The following RAB43 variants were observed in gnomAD, a reference collection of about 807,000 sequenced individuals.
The protein encoded by RAB43 is ras-related protein Rab-43.
A neutral mutation model predicts 18.8 loss-of-function variants in RAB43; 6 were observed. The ratio of observed to expected loss-of-function variants is 0.32; its 90% CI spans 0.17 to 0.63. RAB43 has a LOEUF of 0.63. Ranked by LOEUF, RAB43 falls within the 30% of genes least tolerant of loss-of-function variation. RAB43 has a pLI of 0.79. For missense variants in RAB43, 195 were observed against 289.1 expected, an observed-to-expected ratio of 0.67 and a Z score of 2.36; for synonymous variants, 103 against 124.1, an observed-to-expected ratio of 0.83 and a Z score of 1.13.
At chr3:129,091,829 GC>G (rs1459709185) in intron 2 of RAB43, among the ~76,000 whole-genome samples, 1 of 151,968 alleles carries the variant, frequency 6.6e-6, no homozygotes, top group Non-Finnish European at 1.5e-5. Context: ...ATTTGGGAAG[GC>G]CGAGGTGGGT....
rs1321241567 is a variant in RAB43, at chr3:129,121,733, C to T, written c.-244G>A. On this transcript the variant is annotated 5_prime_UTR_variant, in exon 1 of 3. Transcript: ENST00000315150. ...GACCCGGTGCCCCGCGGGTTCGGCT[C>T]CCCCCCGGACCCGCCAAGCCGGGCC... 3.8e-6 allele frequency: 1 copy of T among 261,892 alleles called. No homozygotes were observed. Among genetic ancestry groups the T allele is most frequent in the East Asian group, 7.1e-5 (1 of 14,040 alleles). 16.2% of individuals were successfully genotyped at this position (261,892 alleles called of 1,614,324 possible).
rs1933541140 is a variant in RAB43 at position 129,089,979 on chromosome 3, CTT to C, written c.*1115_*1116del. 6.7e-6 allele frequency: 1 copy of C among 150,316 alleles called. No homozygotes were observed. The highest frequency in any genetic ancestry group is 2.5e-5 in the African/African-American group (1 of 40,660). The allele number at this position is 150,316 out of a possible 1,614,324, so 9.3% of individuals were successfully genotyped here. ...GGCCCCTCCAGCCCTAGCCCTGGCTCTTTTGTCACTGTGATACCTCTGAGCCA... is the reference window on the plus strand; with the variant it reads ...GGCCCCTCCAGCCCTAGCCCTGGCTCTTGTCACTGTGATACCTCTGAGCCA... On this transcript the variant is annotated 3_prime_UTR_variant, in exon 3 of 3. Transcript: ENST00000315150.
At chr3:129,098,133 G>A (rs1934175771) in intron 1 of RAB43, among the ~76,000 whole-genome samples, 1 of 152,192 alleles carries the variant, frequency 6.6e-6, no homozygotes. Flanking sequence ...GCTAGGGGAT[G>A]CTGAAGTTCC....
intron 1 of RAB43, among the ~76,000 whole-genome samples, chr3:129,120,403 G>A (rs1181918725): frequency 2.0e-5 from 3 of 152,162 alleles, no homozygotes; most frequent in Non-Finnish European, 4.4e-5. Context: ...GAAGATCATG[G>A]GGGCTCGAAA....
intron 1 of RAB43, among the ~76,000 whole-genome samples, chr3:129,102,457 C>G (rs781168726): frequency 6.6e-6 from 1 of 151,806 alleles, no homozygotes; most frequent in African/African-American, 2.4e-5. Flanking sequence ...GGTGAAACCC[C>G]GTCTCTACTA....
chr3:129,094,406 C>T (rs777897651), intron 2 of RAB43, among the ~76,000 whole-genome samples: 17 of 151,242 alleles, frequency 1.1e-4, no homozygotes, highest in South Asian at 2.1e-4. Flanking sequence ...GAGGAGAAGC[C>T]GGGGTACAAG....
chr3:129,111,236 T>A (rs900871632), intron 1 of RAB43, among the ~76,000 whole-genome samples: 1 of 152,046 alleles, frequency 6.6e-6, no homozygotes, highest in Non-Finnish European at 1.5e-5. Flanking sequence ...AGTCCATGGC[T>A]GGGCGCAGTG....
In RAB43 at chr3:129,095,143, C is replaced by T. The variant is rs758021879; in HGVS notation, c.231G>A (p.Gln77=). 15 of 1,613,236 alleles carry T rather than the reference C, an allele frequency of 9.3e-6. No individual in the cohort carries two copies. Among genetic ancestry groups the T allele is most frequent in the East Asian group, 6.7e-5 (3 of 44,872 alleles). ...TCTGGGTGATGGTGCGGAACCGCTCCTGGCCGGCCGTGTCCCAGATCTGCA... is the reference window on the plus strand; with the variant it reads ...TCTGGGTGATGGTGCGGAACCGCTCTTGGCCGGCCGTGTCCCAGATCTGCA... ...VKLQIWDTAG[Q]ERFRTITQSY... The change falls in exon 2 of 3, where the codon CAG becomes CAA. Residue 77 remains glutamine, a synonymous_variant. Coordinates refer to ENST00000315150, the MANE Select transcript of RAB43 (RefSeq NM_198490.3). This position sits in a 1 kb window ranked among gnomAD's most constrained non-coding sequence, Gnocchi z 4.2.
At chr3:129,106,119 C>G (rs1934768038) in intron 1 of RAB43, among the ~76,000 whole-genome samples, 1 of 152,210 alleles carries the variant, frequency 6.6e-6, no homozygotes, top group Non-Finnish European at 1.5e-5. Flanking sequence ...ATCAATCCTG[C>G]TTACTAGGTT....
intron 1 of RAB43, among the ~76,000 whole-genome samples, chr3:129,109,927 C>T (rs1049167998): frequency 2.0e-5 from 3 of 151,462 alleles, no homozygotes; most frequent in South Asian, 2.1e-4. Context: ...TGCAGTGGTG[C>T]GATCCTGGCT....
At chr3:129,094,407 G>A (rs569167003) in intron 2 of RAB43, among the ~76,000 whole-genome samples, 7 of 152,128 alleles carry the variant, frequency 4.6e-5, no homozygotes, top group South Asian at 4.1e-4. Context: ...AGGAGAAGCC[G>A]GGGTACAAGA....
At position 129,091,182 on chromosome 3, in the gene RAB43, C is replaced by T. The variant is rs1237976387; in HGVS notation, c.553G>A (p.Gly185Arg). 3.8e-6 allele frequency: 6 copies of T among 1,575,640 alleles called. No individual in the cohort carries two copies. Among genetic ancestry groups the T allele is most frequent in the Non-Finnish European group, 5.2e-6 (6 of 1,156,416 alleles). Reference protein sequence around the residue: ...RVATELIMRHGGPLFSEKSPD... With the variant: ...RVATELIMRHRGPLFSEKSPD... ...CTCTTCTCGCTGAACAAGGGGCCCC[C>T]GTGCCGCATGATGAGCTCCGTGGCC... Residue 185 changes from glycine (G) to arginine (R), a missense_variant, in exon 3 of 3, where the codon GGG (glycine) becomes AGG (arginine). By Grantham distance (125) the Gly-to-Arg change is moderately radical (BLOSUM62 -2). Coordinates refer to ENST00000315150, the MANE Select transcript of RAB43 (RefSeq NM_198490.3).
intron 1 of RAB43, among the ~76,000 whole-genome samples, chr3:129,104,660 G>T (rs1446066997): frequency 6.6e-6 from 1 of 152,372 alleles, no homozygotes; most frequent in East Asian, 1.9e-4. Context: ...GGTGACAGAA[G>T]GGCTCAGTCC....
intron 1 of RAB43, among the ~76,000 whole-genome samples, chr3:129,099,450 G>A (rs1161917324): frequency 2.0e-5 from 3 of 150,628 alleles, no homozygotes; most frequent in African/African-American, 4.9e-5. Flanking sequence ...GCAATGGCAC[G>A]ATCTTCGCTC....
chr3:129,095,296 G>A lies in RAB43; in HGVS notation c.205-127C>T. On this transcript the variant is annotated intron_variant, in intron 1 of 2. Transcript: ENST00000315150. The surrounding 1 kb of genome is among the most constrained non-coding windows in gnomAD (Gnocchi z 4.2). ...GGCTAGGAGGCCTTCTGAGTCCTTA[G>A]AAAGCAACTCAATGGCTCAACCTTG... 7.6e-7 allele frequency: 1 copy of A among 1,322,132 alleles called. No homozygotes were observed. The highest frequency in any genetic ancestry group is 2.0e-4 in the Middle Eastern group (1 of 5,074). 81.9% of individuals were successfully genotyped at this position (1,322,132 alleles called of 1,614,324 possible). A position where few individuals can be genotyped will look rare whatever the true frequency, so the allele number is the denominator to read the frequency against.
chr3:129,101,268 A>C (rs554590492), intron 1 of RAB43, among the ~76,000 whole-genome samples: 1 of 152,364 alleles, frequency 6.6e-6, no homozygotes. Context: ...ACACAAAGGA[A>C]CTTAAATGCA....
At chr3:129,120,684 G>A (rs1935846453) in intron 1 of RAB43, among the ~76,000 whole-genome samples, 1 of 152,220 alleles carries the variant, frequency 6.6e-6, no homozygotes, top group African/African-American at 2.4e-5. Flanking sequence ...TCCAGCTGGG[G>A]GAGGGAACCG....
rs531352254 is a variant in RAB43, at chr3:129,106,616, C to G, written c.205-11447G>C. ...CCAGACAGGTGGAGAGAGACCAAAG[C>G]AAGGACAAGAAAGGTAAGACCAGGC... On this transcript the variant is annotated intron_variant, in intron 1 of 2. Transcript: ENST00000315150. 2.6e-5 allele frequency among the ~76,000 whole-genome samples: 4 copies of G among 152,276 alleles called. No individual in the cohort carries two copies. The South Asian group carries it at 8.3e-4, about 32-fold the overall frequency.
chr3:129,105,918 G>A (rs910057005), intron 1 of RAB43, among the ~76,000 whole-genome samples: 2 of 152,178 alleles, frequency 1.3e-5, no homozygotes, highest in Non-Finnish European at 2.9e-5. Context: ...TGAGGAGAAA[G>A]ACCCTGTCTT....
Sources: gnomAD v4.1 joint callset for allele counts (sites outside exome capture counted in the v4.1 genomes callset) on GRCh38, gnomAD v4.1.1 for gene constraint, Gnocchi (gnomAD v3.1) non-coding constraint, MANE v1.5 for transcripts, NCBI Gene and HGNC (gene_info 2026-07-23, HGNC 2026-07-21) for gene names.